The following BMPER variants were observed in gnomAD, a reference collection of about 807,000 sequenced individuals.
The protein encoded by BMPER is BMP binding endothelial regulator.
BMPER carries 45 observed loss-of-function variants against 87.3 expected under a neutral mutation model. The observed-to-expected ratio is 0.52, with a 90% CI of 0.41 to 0.66. The LOEUF is 0.66. Among genes scored for constraint, BMPER ranks in the 30% least tolerant of loss-of-function variants. The probability of loss-of-function intolerance (pLI) is 0.00; values close to 1 mark genes in which losing one functional copy is unlikely to be tolerated. For synonymous variants in BMPER, 326 were observed against 316.2 expected (o/e 1.03, Z -0.33); for missense variants, 784 against 867.5 (o/e 0.90, Z 1.21).
At chr7:34,068,626 GT>G (rs939727368) in intron 11 of BMPER, among the ~76,000 whole-genome samples, 3 of 151,596 alleles carry the variant, frequency 2.0e-5, no homozygotes, top group Middle Eastern at 3.4e-3. Flanking sequence ...AGTTTTTCCA[GT>G]TTTTTTTTCT....
intron 6 of BMPER, among the ~76,000 whole-genome samples, chr7:33,976,414 A>G (rs955239070): frequency 6.6e-6 from 1 of 152,122 alleles, no homozygotes; most frequent in Non-Finnish European, 1.5e-5. Context: ...CAGCCTCCCA[A>G]AGTGCTGGGA....
At chr7:34,041,942 A>C (rs1787844070) in intron 6 of BMPER, among the ~76,000 whole-genome samples, 1 of 152,086 alleles carries the variant, frequency 6.6e-6, no homozygotes, top group African/African-American at 2.4e-5. Flanking sequence ...TGTTTGGGAG[A>C]TGAGTGCCAC....
intron 13 of BMPER, among the ~76,000 whole-genome samples, chr7:34,142,827 G>C (rs540210864): frequency 6.6e-6 from 1 of 152,304 alleles, no homozygotes; most frequent in South Asian, 2.1e-4. Flanking sequence ...TATTCCAGTA[G>C]GGTAGCCATT....
chr7:34,135,938 C>T (rs897560351), intron 13 of BMPER, among the ~76,000 whole-genome samples: 2 of 152,148 alleles, frequency 1.3e-5, no homozygotes, highest in African/African-American at 4.8e-5. Context: ...ACCAGAGAAA[C>T]AGGCTGGACT....
rs538245923 is a variant in BMPER, at chr7:34,154,804, C to T, written c.*1531C>T. 5 of 149,296 alleles carry T rather than the reference C, an allele frequency of 3.3e-5. No homozygotes were observed. The highest frequency in any genetic ancestry group is 2.1e-4 in the South Asian group (1 of 4,718). 9.2% of individuals were successfully genotyped at this position (149,296 alleles called of 1,614,324 possible). On this transcript the variant is annotated 3_prime_UTR_variant, in exon 15 of 15. Coordinates refer to ENST00000649409, the MANE Select transcript of BMPER (RefSeq NM_001365308.1). ...TGAATTAACTGAATAAAGTGCAGGG[C>T]GTAATAGTGACTGGCTGGGGGCACT... is the stretch of plus-strand genomic sequence containing the variant.
At chr7:34,073,896 A>G (rs1788797359) in intron 11 of BMPER, among the ~76,000 whole-genome samples, 1 of 152,196 alleles carries the variant, frequency 6.6e-6, no homozygotes, top group African/African-American at 2.4e-5. Context: ...TGAAGGATGC[A>G]TGTGCTGTGA....
At chr7:34,043,674 G>A (rs1787888368) in intron 6 of BMPER, among the ~76,000 whole-genome samples, 1 of 152,100 alleles carries the variant, frequency 6.6e-6, no homozygotes, top group African/African-American at 2.4e-5. Flanking sequence ...GATGATTTTT[G>A]TCTTATATTC....
At position 34,095,106 on chromosome 7, in the gene BMPER, A is replaced by G. The variant is rs181451107; in HGVS notation, c.1745+9014A>G. 2.6e-5 allele frequency among the ~76,000 whole-genome samples: 4 copies of G among 152,346 alleles called. No individual in the cohort carries two copies. In the East Asian group the frequency reaches 5.8e-4, roughly 22 times the overall value. On this transcript the variant is annotated intron_variant, in intron 13 of 14. Transcript: ENST00000649409. ...CACTTTTCATAAATTCTTTCAATGG[A>G]TAAGATTGAACTGAAGGGGAAGGTG...
At chr7:34,050,955 A>G (rs1011846934) in intron 7 of BMPER, among the ~76,000 whole-genome samples, 2 of 152,212 alleles carry the variant, frequency 1.3e-5, no homozygotes, top group African/African-American at 2.4e-5. Flanking sequence ...TCATAACTGA[A>G]ATGCTATCTT....
chr7:34,007,254 C>G (rs1786759113), intron 6 of BMPER, among the ~76,000 whole-genome samples: 1 of 152,066 alleles, frequency 6.6e-6, no homozygotes, highest in Admixed American at 6.6e-5. Context: ...CAATGATTCT[C>G]AACTTTTCCT....
At chr7:34,075,658 G>C (rs554004074) in intron 11 of BMPER, among the ~76,000 whole-genome samples, 1 of 152,296 alleles carries the variant, frequency 6.6e-6, no homozygotes, top group Admixed American at 6.5e-5. Flanking sequence ...CCCTCCCTCT[G>C]CCTATCACGC....
At chr7:33,975,920 T>G (rs1209923656) in intron 6 of BMPER, among the ~76,000 whole-genome samples, 2 of 152,054 alleles carry the variant, frequency 1.3e-5, no homozygotes, top group Non-Finnish European at 2.9e-5. Context: ...TGATGGCTTT[T>G]GTATGGGGGA....
At chr7:33,974,576 C>A in intron 5 of BMPER, 126 bp from the exon 6 acceptor site, 1 of 937,196 alleles carries the variant, frequency 1.1e-6, no homozygotes, top group Non-Finnish European at 1.8e-6. Context: ...GCAATCTTGT[C>A]CACTGGTTGA....
intron 13 of BMPER, among the ~76,000 whole-genome samples, chr7:34,113,681 G>A (rs541906096): frequency 1.8e-4 from 27 of 152,134 alleles, no homozygotes; most frequent in Non-Finnish European, 3.4e-4. Flanking sequence ...GCCAGGTAGC[G>A]TGCCACAGGC....
rs369822043 is a variant in BMPER, at chr7:33,915,196, A to T, written c.219+8293A>T. 9.2e-5 allele frequency among the ~76,000 whole-genome samples: 14 copies of T among 152,366 alleles called. No individual in the cohort carries two copies. In the East Asian group the frequency reaches 1.9e-3, roughly 21 times the overall value. The stretch of plus-strand genomic sequence containing the variant: ...CCAAACAAAACTAATTTCACGGATA[A>T]CAGTAATATGCTTTTTGCAAACGTC... On this transcript the variant is annotated intron_variant, in intron 2 of 14. Coordinates refer to ENST00000649409, the MANE Select transcript of BMPER (RefSeq NM_001365308.1).
At chr7:34,013,122 G>T (rs750190032) in intron 6 of BMPER, among the ~76,000 whole-genome samples, 12 of 151,618 alleles carry the variant, frequency 7.9e-5, no homozygotes, top group Non-Finnish European at 1.6e-4. Flanking sequence ...GGCTCCAGCA[G>T]CCCCAGCTCA....
intron 6 of BMPER, among the ~76,000 whole-genome samples, chr7:33,990,551 T>C (rs1786178957): frequency 6.6e-6 from 1 of 151,230 alleles, no homozygotes; most frequent in African/African-American, 2.4e-5. Context: ...TACAATCATG[T>C]CATCTGCAAA....
intron 3 of BMPER, among the ~76,000 whole-genome samples, chr7:33,958,870 A>G (rs150913880): frequency 1.3e-5 from 2 of 152,240 alleles, no homozygotes; most frequent in African/African-American, 4.8e-5. Context: ...TTGAATTGTG[A>G]TAATCCCCAT....
chr7:33,951,055 T>G (rs551995605), intron 3 of BMPER, among the ~76,000 whole-genome samples: 143 of 151,890 alleles, frequency 9.4e-4, no homozygotes, highest in African/African-American at 3.2e-3. Flanking sequence ...GTGGGACTTT[T>G]TTTTTTTTTT....
Sources: gnomAD v4.1 joint callset for allele counts (sites outside exome capture counted in the v4.1 genomes callset) on GRCh38, gnomAD v4.1.1 for gene constraint, MANE v1.5 for transcripts, NCBI Gene and HGNC (gene_info 2026-07-23, HGNC 2026-07-21) for gene names.